NELL1: variants seen among roughly 807,000 people sequenced by gnomAD.
NELL1 encodes protein kinase C-binding protein NELL1.
Under a neutral mutation model 107.4 loss-of-function variants are expected in NELL1, and 76 were observed. That is an observed-to-expected ratio of 0.71 (90% CI 0.59 to 0.86). The LOEUF is 0.86. Among genes scored for constraint, NELL1 ranks in the 40% least tolerant of loss-of-function variants. The probability of loss-of-function intolerance (pLI) is 0.00; values close to 1 mark genes in which losing one functional copy is unlikely to be tolerated. For synonymous variants in NELL1, 353 were observed against 341.2 expected, an observed-to-expected ratio of 1.03 and a Z score of -0.38; for missense variants, 1,024 against 1,005.5, an observed-to-expected ratio of 1.02 and a Z score of -0.25.
At chr11:20,908,253 G>A (rs568613772) in intron 5 of NELL1, among the ~76,000 whole-genome samples, 6 of 152,122 alleles carry the variant, frequency 3.9e-5, no homozygotes, top group Non-Finnish European at 5.9e-5. Context: ...ACATGCACAC[G>A]TATGTTTATT....
At chr11:21,383,847 C>T (rs950875296) in intron 15 of NELL1, 1 of 151,638 alleles carries the variant, frequency 6.6e-6, no homozygotes, top group South Asian at 2.1e-4. Flanking sequence ...CAACCAGGCC[C>T]GACCCTTTGG....
At chr11:21,531,172 A>AAC (rs34379297) in intron 15 of NELL1, among the ~76,000 whole-genome samples, 2 of 151,992 alleles carry the variant, frequency 1.3e-5, no homozygotes, top group Admixed American at 6.6e-5. Flanking sequence ...ACAAAACACA[A>AAC]ACACACACAC....
chr11:20,813,213 G>A (rs1351167747), intron 3 of NELL1, among the ~76,000 whole-genome samples: 4 of 152,052 alleles, frequency 2.6e-5, no homozygotes, highest in African/African-American at 9.7e-5. Flanking sequence ...ATTTTCTAAA[G>A]TCAGAGTCTG....
chr11:21,396,413 A>C (rs977270045), intron 15 of NELL1, among the ~76,000 whole-genome samples: 3 of 151,690 alleles, frequency 2.0e-5, no homozygotes, highest in African/African-American at 7.2e-5. Context: ...TGCTAGACAC[A>C]AGAGCAGACA....
intron 12 of NELL1, among the ~76,000 whole-genome samples, chr11:21,021,848 C>T (rs760510562): frequency 6.6e-6 from 1 of 152,074 alleles, no homozygotes; most frequent in African/African-American, 2.4e-5. Context: ...AACTTGCGTC[C>T]TTGGCAGCAG....
intron 15 of NELL1, among the ~76,000 whole-genome samples, chr11:21,401,568 G>C (rs773120701): frequency 6.6e-6 from 1 of 150,656 alleles, no homozygotes; most frequent in Non-Finnish European, 1.5e-5. Flanking sequence ...AATGAGGCAG[G>C]GTTGGTTCAT....
At chr11:21,147,570 C>T (rs997173421) in intron 13 of NELL1, among the ~76,000 whole-genome samples, 15 of 152,038 alleles carry the variant, frequency 9.9e-5, no homozygotes, top group African/African-American at 3.1e-4. Context: ...TGGTGGCTCC[C>T]GCCTGTAATC....
intron 12 of NELL1, among the ~76,000 whole-genome samples, chr11:21,027,936 G>A (rs1021797496): frequency 6.6e-6 from 1 of 152,166 alleles, no homozygotes; most frequent in Non-Finnish European, 1.5e-5. Flanking sequence ...CTGAATTGCT[G>A]CTGCTGCAGT....
chr11:20,711,742 G>A (rs1018402193), intron 2 of NELL1, among the ~76,000 whole-genome samples: 2 of 152,192 alleles, frequency 1.3e-5, no homozygotes, highest in African/African-American at 4.8e-5. Context: ...TTTCTGCTAA[G>A]AAATCAGCTG....
intron 5 of NELL1, among the ~76,000 whole-genome samples, chr11:20,893,165 A>G (rs1261483982): frequency 6.6e-6 from 1 of 151,992 alleles, no homozygotes; most frequent in Non-Finnish European, 1.5e-5. Context: ...GGAACAGAAA[A>G]CCAAACACTG....
chr11:21,550,881 G>T (rs1591028381), intron 16 of NELL1, among the ~76,000 whole-genome samples: 2 of 151,732 alleles, frequency 1.3e-5, no homozygotes, highest in Non-Finnish European at 2.9e-5. Context: ...TGTGAAGAAA[G>T]TCATTGGTAG....
chr11:20,974,606 T>C (rs946855684), intron 12 of NELL1, among the ~76,000 whole-genome samples: 4 of 152,200 alleles, frequency 2.6e-5, no homozygotes, highest in African/African-American at 7.2e-5. Flanking sequence ...CTCAGCATTT[T>C]TTGGTGCGGA....
chr11:20,863,890 G>A (rs923389393), intron 4 of NELL1, among the ~76,000 whole-genome samples: 3 of 152,308 alleles, frequency 2.0e-5, no homozygotes, highest in Non-Finnish European at 4.4e-5. Context: ...CGGATCACTC[G>A]CGGTTAGGAG....
At chr11:20,897,361 T>C (rs1367725012) in intron 5 of NELL1, among the ~76,000 whole-genome samples, 2 of 152,222 alleles carry the variant, frequency 1.3e-5, no homozygotes, top group East Asian at 3.8e-4. Flanking sequence ...GCTAGCCATA[T>C]GTAGAAAGCT....
chr11:21,542,035 A>G (rs372522447), intron 16 of NELL1, among the ~76,000 whole-genome samples: 3 of 152,110 alleles, frequency 2.0e-5, no homozygotes, highest in East Asian at 1.9e-4. Context: ...AAGGGAAAGA[A>G]GCATTCAGCA....
At chr11:21,165,758 CTTTTTTTTTTT>C (rs34509347) in intron 13 of NELL1, among the ~76,000 whole-genome samples, 1 of 98,510 alleles carries the variant, frequency 1.0e-5, no homozygotes, top group Admixed American at 1.2e-4. Flanking sequence ...ACAATGAGAT[CTTTTTTTTTTT>C]TTTTTTTTTT....
intron 14 of NELL1, among the ~76,000 whole-genome samples, chr11:21,352,330 A>G (rs935242827): frequency 6.6e-6 from 1 of 152,146 alleles, no homozygotes; most frequent in African/African-American, 2.4e-5. Flanking sequence ...GACCAGGAAC[A>G]TTATCTGTTT....
intron 13 of NELL1, among the ~76,000 whole-genome samples, chr11:21,214,843 G>C (rs887932372): frequency 6.6e-6 from 1 of 152,074 alleles, no homozygotes; most frequent in Admixed American, 6.6e-5. Flanking sequence ...AGATTGTGTT[G>C]GTGGTTTTGT....
chr11:20,682,076 G>C (rs935330786), intron 2 of NELL1, among the ~76,000 whole-genome samples: 1 of 151,916 alleles, frequency 6.6e-6, no homozygotes, highest in African/African-American at 2.4e-5. Context: ...ATATTAACAG[G>C]TTCTGGGGAT....
Sources: allele counts gnomAD v4.1 joint callset (sites outside exome capture counted in the v4.1 genomes callset), GRCh38; gene constraint gnomAD v4.1.1; transcripts MANE v1.5; gene names NCBI Gene and HGNC (gene_info 2026-07-23, HGNC 2026-07-21).